Variants in CHRM3 observed in about 807,000 individuals in gnomAD.
CHRM3 encodes muscarinic acetylcholine receptor M3.
A neutral mutation model predicts 41.8 loss-of-function variants in CHRM3; 11 were observed. That is an observed-to-expected ratio of 0.26 (90% confidence interval 0.17 to 0.44). CHRM3 has a LOEUF of 0.44. Among genes scored for constraint, CHRM3 ranks in the 20% least tolerant of loss-of-function variants. The pLI, the probability that CHRM3 is intolerant of heterozygous loss-of-function variation, is 1.00. For synonymous variants in CHRM3, 297 were observed against 301.4 expected, an observed-to-expected ratio of 0.99 and a Z score of 0.15; for missense variants, 571 against 745.4, an observed-to-expected ratio of 0.77 and a Z score of 2.72.
chr1:239,873,490 C>G (rs1279240027), intron 6 of CHRM3, among the ~76,000 whole-genome samples: 1 of 152,082 alleles, frequency 6.6e-6, no homozygotes, highest in African/African-American at 2.4e-5. Flanking sequence ...TATCCCTCCC[C>G]TAGCCACCCA....
intron 2 of CHRM3, among the ~76,000 whole-genome samples, chr1:239,509,917 G>A (rs191031385): frequency 1.4e-4 from 21 of 152,136 alleles, no homozygotes; most frequent in East Asian, 3.9e-4. Context: ...GCGAAACCCC[G>A]TCTCTATTAA....
intron 3 of CHRM3, among the ~76,000 whole-genome samples, chr1:239,615,394 G>A (rs1439484800): frequency 1.3e-5 from 2 of 152,074 alleles, no homozygotes; most frequent in Admixed American, 6.5e-5. Flanking sequence ...GTACAGCCCT[G>A]GGGCTCCCAC....
rs1558195418 is a variant in CHRM3, at chr1:239,404,396, GAAAGAAAGAAAGAAAAAGAA to G, written c.-521+17171_-521+17190del. On this transcript the variant is annotated intron_variant, in intron 1 of 6. Transcript: ENST00000676153. ...AGAAAGAAAGAAAGAAAGAAAGAAA[GAAAGAAAGAAAGAAAAAGAA>G]AGAAAGAAAGAAAGAAAGAAAGAAA... Among the ~76,000 whole-genome samples, 273 of 64,516 alleles carry G rather than the reference GAAAGAAAGAAAGAAAAAGAA, an allele frequency of 4.2e-3. 2 individuals carry two copies. The highest frequency in any genetic ancestry group is 0.01 in the African/African-American group (175 of 16,960). 42.3% of individuals were successfully genotyped at this position (64,516 alleles called of 152,430 possible). A position where few individuals can be genotyped will look rare whatever the true frequency, so the allele number is the denominator to read the frequency against.
intron 6 of CHRM3, among the ~76,000 whole-genome samples, chr1:239,851,514 A>G (rs992053256): frequency 4.6e-5 from 7 of 152,326 alleles, no homozygotes; most frequent in Middle Eastern, 3.4e-3. Context: ...CATATAATGC[A>G]ATTGTCTGAC....
intron 1 of CHRM3, among the ~76,000 whole-genome samples, chr1:239,458,339 T>C (rs1665106956): frequency 6.6e-6 from 1 of 152,168 alleles, no homozygotes; most frequent in Non-Finnish European, 1.5e-5. Flanking sequence ...CAAAAGCCCA[T>C]ATTTTTAAGA....
At chr1:239,674,773 C>A (rs1162754851) in intron 4 of CHRM3, among the ~76,000 whole-genome samples, 1 of 150,744 alleles carries the variant, frequency 6.6e-6, no homozygotes, top group Non-Finnish European at 1.5e-5. Flanking sequence ...CAAATCCCAA[C>A]TCAGGCCATT....
At chr1:239,491,599 C>T (rs1252786213) in intron 1 of CHRM3, among the ~76,000 whole-genome samples, 3 of 152,284 alleles carry the variant, frequency 2.0e-5, no homozygotes, top group Admixed American at 1.3e-4. Flanking sequence ...TAGACAATTA[C>T]GTGGATTCTA....
At chr1:239,804,390 C>G (rs1175254567) in intron 5 of CHRM3, among the ~76,000 whole-genome samples, 5 of 151,666 alleles carry the variant, frequency 3.3e-5, no homozygotes, top group Non-Finnish European at 7.4e-5. Flanking sequence ...GGAAGTTGCT[C>G]TTTCTGTGGT....
intron 2 of CHRM3, among the ~76,000 whole-genome samples, chr1:239,506,536 C>CT (rs1336705100): frequency 2.0e-5 from 3 of 152,190 alleles, no homozygotes; most frequent in Non-Finnish European, 2.9e-5. Flanking sequence ...ATGGAAATGC[C>CT]TGGATGCCCA....
At chr1:239,632,590 G>A (rs1283214815) in intron 4 of CHRM3, among the ~76,000 whole-genome samples, 2 of 152,162 alleles carry the variant, frequency 1.3e-5, no homozygotes, top group African/African-American at 4.8e-5. Flanking sequence ...ATTGCAAAAT[G>A]TTTGAATTAT....
chr1:239,569,543 GA>G (rs1480965373), intron 3 of CHRM3, among the ~76,000 whole-genome samples: 1 of 152,158 alleles, frequency 6.6e-6, no homozygotes, highest in Non-Finnish European at 1.5e-5. Flanking sequence ...TCAATTTGCA[GA>G]ATTCCTTGGA....
At chr1:239,612,592 C>G (rs1263460347) in intron 3 of CHRM3, among the ~76,000 whole-genome samples, 1 of 152,178 alleles carries the variant, frequency 6.6e-6, no homozygotes, top group African/African-American at 2.4e-5. Context: ...TGAGAAATGT[C>G]AACTTGGACA....
chr1:239,907,889 C>T lies in CHRM3; in HGVS notation c.438C>T (p.Ala146=), dbSNP rs1310240722. ...ACTTGGCCTGTGACCTCTGGCTTGCCATTGACTACGTAGCCAGCAATGCCT... is the reference window on the plus strand; with the variant it reads ...ACTTGGCCTGTGACCTCTGGCTTGCTATTGACTACGTAGCCAGCAATGCCT... ...LGNLACDLWL[A]IDYVASNASV... The change falls in exon 7 of 7, where the codon GCC becomes GCT. Residue 146 remains alanine (A), a synonymous_variant. Coordinates refer to ENST00000676153, the MANE Select transcript of CHRM3 (RefSeq NM_001375978.1). This position sits in a 1 kb window ranked among gnomAD's most constrained non-coding sequence, Gnocchi z 5.4. The T allele has an allele frequency of 2.5e-6, 4 of 1,614,088 alleles. No individual in the cohort carries two copies. The highest frequency in any genetic ancestry group is 2.7e-5 in the African/African-American group (2 of 74,926).
chr1:239,659,967 C>A (rs766915080), intron 4 of CHRM3, among the ~76,000 whole-genome samples: 19 of 152,012 alleles, frequency 1.2e-4, no homozygotes, highest in Non-Finnish European at 2.1e-4. Flanking sequence ...TCTTATTCTT[C>A]TTTACTTATT....
At chr1:239,457,086 T>C (rs149960945) in intron 1 of CHRM3, among the ~76,000 whole-genome samples, 80 of 152,306 alleles carry the variant, frequency 5.3e-4, no homozygotes, top group African/African-American at 1.7e-3. Context: ...GCCAGATGCA[T>C]CTTTGACGTT....
At chr1:239,622,398 T>G (rs370687101) in intron 3 of CHRM3, among the ~76,000 whole-genome samples, 4 of 152,146 alleles carry the variant, frequency 2.6e-5, no homozygotes, top group African/African-American at 7.2e-5. Flanking sequence ...CTGGGCAATG[T>G]CAATTGAAAA....
chr1:239,755,720 C>T (rs1666186490), intron 5 of CHRM3, among the ~76,000 whole-genome samples: 1 of 152,184 alleles, frequency 6.6e-6, no homozygotes, highest in Admixed American at 6.5e-5. Context: ...GTTCCCAGCT[C>T]TTGCTGGGAT....
At chr1:239,389,583 A>G (rs1313963532) in intron 1 of CHRM3, among the ~76,000 whole-genome samples, 1 of 152,232 alleles carries the variant, frequency 6.6e-6, no homozygotes, top group Non-Finnish European at 1.5e-5. Flanking sequence ...CTGTTGAAAG[A>G]GGGCATGGAA....
At chr1:239,508,491 G>T (rs1201868960) in intron 2 of CHRM3, among the ~76,000 whole-genome samples, 2 of 152,094 alleles carry the variant, frequency 1.3e-5, no homozygotes, top group African/African-American at 4.8e-5. Flanking sequence ...TTTAATACTT[G>T]TAATATTCTT....
Sources: gnomAD v4.1 joint callset for allele counts (sites outside exome capture counted in the v4.1 genomes callset) on GRCh38, gnomAD v4.1.1 for gene constraint, Gnocchi (gnomAD v3.1) non-coding constraint, MANE v1.5 for transcripts, NCBI Gene and HGNC (gene_info 2026-07-23, HGNC 2026-07-21) for gene names.